The following HDAC9 variants were observed in gnomAD, a reference collection of about 807,000 sequenced individuals.
HDAC9 encodes MEF-2 interacting transcription repressor (MITR) protein.
HDAC9 carries 41 observed loss-of-function variants against 139.4 expected under a neutral mutation model. That is an observed-to-expected ratio of 0.29 (90% CI 0.23 to 0.38). The LOEUF (loss-of-function observed/expected upper bound fraction) is 0.38. HDAC9 is among the 10% of genes least tolerant of loss of function. HDAC9 has a pLI of 1.00. For synonymous variants in HDAC9, 517 were observed against 476.2 expected (o/e 1.09, Z -1.12); for missense variants, 1,147 against 1,297.0 (o/e 0.88, Z 1.78).
At chr7:18,770,133 G>A (rs1162058454) in intron 16 of HDAC9, among the ~76,000 whole-genome samples, 1 of 152,060 alleles carries the variant, frequency 6.6e-6, no homozygotes, top group Non-Finnish European at 1.5e-5. Context: ...TTTACTGTTG[G>A]TCAAGCAGCT....
At chr7:18,743,695 T>TA (rs952505637) in intron 13 of HDAC9, among the ~76,000 whole-genome samples, 4 of 147,872 alleles carry the variant, frequency 2.7e-5, no homozygotes, top group African/African-American at 7.5e-5. Context: ...AAACATAAAA[T>TA]AAAAAAATTA....
chr7:18,205,009 G>A (rs1401889531), intron 2 of HDAC9, among the ~76,000 whole-genome samples: 1 of 151,830 alleles, frequency 6.6e-6, no homozygotes, highest in Non-Finnish European at 1.5e-5. Context: ...ATATGTGTGT[G>A]TGTGTGTTTA....
chr7:18,095,726 C>G (rs1782462465), intron 1 of HDAC9, among the ~76,000 whole-genome samples: 1 of 151,946 alleles, frequency 6.6e-6, no homozygotes, highest in Non-Finnish European at 1.5e-5. Flanking sequence ...ATTATAAAAC[C>G]AAACCCAACA....
intron 1 of HDAC9, among the ~76,000 whole-genome samples, chr7:18,089,375 A>G (rs1255461295): frequency 2.6e-5 from 4 of 152,156 alleles, no homozygotes; most frequent in African/African-American, 9.7e-5. Context: ...ATTAAAAGGT[A>G]ATTTTATACA....
At chr7:18,925,567 A>G (rs1479297565) in intron 22 of HDAC9, among the ~76,000 whole-genome samples, 3 of 152,094 alleles carry the variant, frequency 2.0e-5, no homozygotes, top group Non-Finnish European at 4.4e-5. Flanking sequence ...TCTTGAATAC[A>G]TGGTGTTTTA....
chr7:18,666,894 C>T (rs972394436), intron 12 of HDAC9: 4 of 997,280 alleles, frequency 4.0e-6, no homozygotes, highest in Admixed American at 1.1e-4. Context: ...ATGAAGCATT[C>T]GATTAGTTTT....
chr7:18,854,083 A>G (rs1317644704), intron 21 of HDAC9, among the ~76,000 whole-genome samples: 1 of 152,178 alleles, frequency 6.6e-6, no homozygotes, highest in African/African-American at 2.4e-5. Flanking sequence ...TTTTAAAAAC[A>G]AGGTTAAGAA....
intron 17 of HDAC9, among the ~76,000 whole-genome samples, chr7:18,810,044 A>G (rs980351078): frequency 6.6e-6 from 1 of 151,986 alleles, no homozygotes; most frequent in African/African-American, 2.4e-5. Context: ...GCCTTTAAAA[A>G]GAAGGAAATT....
chr7:18,971,184 G>T (rs976154232), intron 24 of HDAC9, among the ~76,000 whole-genome samples: 4 of 151,884 alleles, frequency 2.6e-5, no homozygotes. Flanking sequence ...TGTTACTTTT[G>T]CCAGAAAAAA....
Position 18,762,208 on chromosome 7 carries a change from GA to G in HDAC9, c.2097del (p.Glu699AspfsTer23). 1 of 1,613,588 alleles carries G rather than the reference GA, an allele frequency of 6.2e-7. No individual in the cohort carries two copies. On this transcript the variant is annotated frameshift_variant, in exon 15 of 26. Transcript: ENST00000686413. LOFTEE classifies it high-confidence loss of function. ...SLEEIQLVHS[E>X]HHSLLYGTNP... ...GGAGGAAATACAGCTTGTTCATTCTGAACATCACTCACTGTTGTATGGCACC... is the reference window on the plus strand; with the variant it reads ...GGAGGAAATACAGCTTGTTCATTCTGACATCACTCACTGTTGTATGGCACC...
intron 1 of HDAC9, among the ~76,000 whole-genome samples, chr7:18,373,297 A>G (rs1784735503): frequency 6.6e-6 from 1 of 152,070 alleles, no homozygotes; most frequent in Non-Finnish European, 1.5e-5. Flanking sequence ...ATTTATTTCA[A>G]GTTATAGTTT....
chr7:18,701,397 T>TAAAAAAAAAAAAAAAAAAAA (rs533989795), intron 12 of HDAC9, among the ~76,000 whole-genome samples: 2 of 103,152 alleles, frequency 1.9e-5, no homozygotes, highest in Non-Finnish European at 1.8e-5. Context: ...GCGTCTGATT[T>TAAAAAAAAAAAAAAAAAAAA]AAAAAAAAAC....
chr7:18,217,431 C>A (rs1442928600), intron 2 of HDAC9, among the ~76,000 whole-genome samples: 4 of 151,856 alleles, frequency 2.6e-5, no homozygotes, highest in Admixed American at 2.6e-4. Flanking sequence ...CTCTTGCTTT[C>A]CTTAGATATA....
intron 11 of HDAC9, among the ~76,000 whole-genome samples, chr7:18,654,325 T>A (rs1212806526): frequency 6.6e-6 from 1 of 152,154 alleles, no homozygotes; most frequent in Non-Finnish European, 1.5e-5. Context: ...CCTCCCCTTG[T>A]TTTAGGCACT....
At position 18,999,804 on chromosome 7, in the gene HDAC9, C is replaced by G. The variant is rs955345189; in HGVS notation, c.*3742C>G. ...TTAATTTAAATATTTCTTACTATTT[C>G]TCTGTCGAATGTTTACTCTCATCTT... is the stretch of plus-strand genomic sequence containing the variant. On this transcript the variant is annotated 3_prime_UTR_variant, in exon 26 of 26. Transcript: ENST00000686413. 1 of 152,128 alleles carries G rather than the reference C, an allele frequency of 6.6e-6. No homozygotes were observed. The highest frequency in any genetic ancestry group is 1.5e-5 in the Non-Finnish European group (1 of 68,010). 9.4% of individuals were successfully genotyped at this position (152,128 alleles called of 1,614,324 possible).
chr7:18,746,137 C>T (rs1787954784), intron 13 of HDAC9, among the ~76,000 whole-genome samples: 1 of 152,194 alleles, frequency 6.6e-6, no homozygotes, highest in South Asian at 2.1e-4. Context: ...TCCCAAAGTG[C>T]TAGGCTTACA....
intron 2 of HDAC9, among the ~76,000 whole-genome samples, chr7:18,507,222 ACT>A (rs1463826449): frequency 1.4e-5 from 2 of 143,484 alleles, no homozygotes; most frequent in Admixed American, 6.9e-5. Flanking sequence ...ACGGAGTCTC[ACT>A]CTGTCGCCCA....
chr7:18,985,136 A>C (rs953792349), intron 25 of HDAC9, among the ~76,000 whole-genome samples: 26 of 152,060 alleles, frequency 1.7e-4, no homozygotes, highest in Non-Finnish European at 1.5e-4. Context: ...GGTTAGTTAC[A>C]TATGTATACA....
At chr7:18,451,443 GTGTGTA>G (rs1316081082) in intron 1 of HDAC9, among the ~76,000 whole-genome samples, 1 of 151,290 alleles carries the variant, frequency 6.6e-6, no homozygotes, top group African/African-American at 2.4e-5. Flanking sequence ...GTGTGTGTGT[GTGTGTA>G]TATGTATATA....
Sources: gnomAD v4.1 joint callset for allele counts (sites outside exome capture counted in the v4.1 genomes callset) on GRCh38, gnomAD v4.1.1 for gene constraint, MANE v1.5 for transcripts, NCBI Gene and HGNC (gene_info 2026-07-23, HGNC 2026-07-21) for gene names.